The following RUNX1T1 variants were observed in gnomAD, a reference collection of about 807,000 sequenced individuals.
The protein encoded by RUNX1T1 is RUNX1 partner transcriptional co-repressor 1, also known as protein CBFA2T1.
Under a neutral mutation model 62.8 loss-of-function variants are expected in RUNX1T1, and 4 were observed. The observed-to-expected ratio is 0.06, with a 90% confidence interval of 0.03 to 0.15. RUNX1T1 has a LOEUF of 0.15. Ranked by LOEUF, RUNX1T1 falls within the 10% of genes least tolerant of loss-of-function variation. RUNX1T1 has a pLI of 1.00. For synonymous variants in RUNX1T1, 291 were observed against 286.0 expected (o/e 1.02, Z -0.18); for missense variants, 508 against 754.3 (o/e 0.67, Z 3.82).
In RUNX1T1 at chr8:92,097,928, A is replaced by G. The variant is rs372303508; in HGVS notation, c.-86+1652T>C. ...AATACAATAATCAAGAAGTATAATC[A>G]CAGAAGTGTAAAACAGAAAGTGGTT... On this transcript the variant is annotated intron_variant, in intron 1 of 11. Transcript: ENST00000265814. 2.6e-5 allele frequency among the ~76,000 whole-genome samples: 4 copies of G among 152,378 alleles called. No individual in the cohort carries two copies. The East Asian group carries it at 5.8e-4, about 22-fold the overall frequency.
intron 1 of RUNX1T1, among the ~76,000 whole-genome samples, chr8:92,084,612 T>G (rs1047134633): frequency 6.6e-6 from 1 of 152,170 alleles, no homozygotes; most frequent in Non-Finnish European, 1.5e-5. Context: ...TTGAAGGTCT[T>G]ACAAACCAGC....
intron 3 of RUNX1T1, among the ~76,000 whole-genome samples, chr8:92,013,700 C>A (rs769907257): frequency 6.6e-6 from 1 of 151,890 alleles, no homozygotes; most frequent in Non-Finnish European, 1.5e-5. Context: ...TGACTTAGAA[C>A]GCAAAAAAAG....
intron 1 of RUNX1T1, among the ~76,000 whole-genome samples, chr8:92,094,730 G>A (rs1261597379): frequency 3.3e-5 from 5 of 152,010 alleles, no homozygotes; most frequent in Non-Finnish European, 5.9e-5. Context: ...AATCAGGGAG[G>A]TGCATGGTGC....
chr8:92,065,768 T>C (rs568111123), upstream of RUNX1T1, among the ~76,000 whole-genome samples: 3 of 152,312 alleles, frequency 2.0e-5, no homozygotes, highest in South Asian at 2.1e-4. Flanking sequence ...TCTACATTGG[T>C]GAAGGGAGAA....
At chr8:91,997,483 TTAAA>T (rs1184003447) in intron 5 of RUNX1T1, among the ~76,000 whole-genome samples, 2 of 152,166 alleles carry the variant, frequency 1.3e-5, no homozygotes, top group Non-Finnish European at 2.9e-5. Context: ...ATTTATTTAT[TTAAA>T]TAAATTATGT....
At chr8:92,087,420 T>C (rs1238718581) in intron 1 of RUNX1T1, among the ~76,000 whole-genome samples, 1 of 152,156 alleles carries the variant, frequency 6.6e-6, no homozygotes, top group Non-Finnish European at 1.5e-5. Context: ...TCTAGGCTTC[T>C]GCATTCCCTA....
intron 5 of RUNX1T1, among the ~76,000 whole-genome samples, chr8:91,998,734 C>T (rs539666291): frequency 1.3e-5 from 2 of 152,318 alleles, no homozygotes; most frequent in Admixed American, 6.5e-5. Context: ...ATTTTTGCTG[C>T]TCCTGCTGTT....
At chr8:92,012,937 T>A (rs1176316302) in intron 3 of RUNX1T1, among the ~76,000 whole-genome samples, 1 of 152,164 alleles carries the variant, frequency 6.6e-6, no homozygotes, top group African/African-American at 2.4e-5. Flanking sequence ...AAAAATATAT[T>A]TTTTAAAAGT....
chr8:91,993,831 A>T (rs1044098615), intron 5 of RUNX1T1, among the ~76,000 whole-genome samples: 2 of 152,070 alleles, frequency 1.3e-5, no homozygotes, highest in African/African-American at 4.8e-5. Flanking sequence ...GCCTCTACTA[A>T]ATATACAAAA....
intron 5 of RUNX1T1, among the ~76,000 whole-genome samples, chr8:91,997,147 T>G (rs1377672749): frequency 6.6e-6 from 1 of 151,850 alleles, no homozygotes; most frequent in East Asian, 1.9e-4. Context: ...TAAAAATAAA[T>G]AAAAACAAAA....
intron 4 of RUNX1T1, chr8:92,006,833 C>G (rs1204612537): frequency 6.6e-6 from 1 of 152,070 alleles, no homozygotes; most frequent in Non-Finnish European, 1.5e-5. Flanking sequence ...TCCCCTCACC[C>G]ACCAACCGCC....
chr8:91,995,071 AT>A (rs1818409511), intron 5 of RUNX1T1, among the ~76,000 whole-genome samples: 1 of 152,164 alleles, frequency 6.6e-6, no homozygotes, highest in Non-Finnish European at 1.5e-5. Flanking sequence ...AAATTAGAAA[AT>A]ATCCTCTTAT....
intron 1 of RUNX1T1, among the ~76,000 whole-genome samples, chr8:92,055,711 T>C (rs1001934219): frequency 1.3e-5 from 2 of 152,224 alleles, no homozygotes; most frequent in Non-Finnish European, 2.9e-5. Context: ...ATTTTCTAAA[T>C]CAACTATGTA....
intron 6 of RUNX1T1, among the ~76,000 whole-genome samples, chr8:91,989,666 C>CTGTTT (rs1174637731): frequency 6.6e-6 from 1 of 152,100 alleles, no homozygotes; most frequent in Non-Finnish European, 1.5e-5. Flanking sequence ...AAATGGGATC[C>CTGTTT]CTTGAACTGG....
intron 1 of RUNX1T1, chr8:92,095,008 A>C (rs2130932252): frequency 6.6e-7 from 1 of 1,522,412 alleles, no homozygotes; most frequent in African/African-American, 1.4e-5. Context: ...ATTAAAGATA[A>C]GGCCCTCCGG....
chr8:91,966,250 T>C (rs1053164752), intron 10 of RUNX1T1, among the ~76,000 whole-genome samples: 2 of 151,718 alleles, frequency 1.3e-5, no homozygotes, highest in Non-Finnish European at 2.9e-5. Flanking sequence ...TCTGATGAGA[T>C]TGTGAAGGCT....
chr8:92,097,258 A>C (rs939349317), intron 1 of RUNX1T1, among the ~76,000 whole-genome samples: 1 of 152,326 alleles, frequency 6.6e-6, no homozygotes, highest in Admixed American at 6.5e-5. Context: ...AGAAGGGTGC[A>C]AGGATAGGAA....
At chr8:91,974,392 C>T (rs937916459) in intron 9 of RUNX1T1, among the ~76,000 whole-genome samples, 4 of 152,050 alleles carry the variant, frequency 2.6e-5, no homozygotes, top group African/African-American at 4.8e-5. Flanking sequence ...AAAAAGAATT[C>T]GGATTACACA....
At chr8:92,073,983 C>T (rs537386970) in intron 2 of RUNX1T1, among the ~76,000 whole-genome samples, 11 of 152,276 alleles carry the variant, frequency 7.2e-5, no homozygotes, top group African/African-American at 2.6e-4. Flanking sequence ...TAGGTATGAG[C>T]CACCATGCCT....
Sources: allele counts gnomAD v4.1 joint callset (sites outside exome capture counted in the v4.1 genomes callset), GRCh38; gene constraint gnomAD v4.1.1; transcripts MANE v1.5; gene names NCBI Gene and HGNC (gene_info 2026-07-23, HGNC 2026-07-21).